Variants in RHBDF2 observed in about 807,000 individuals in gnomAD.
RHBDF2 encodes the protein rhomboid 5 homolog 2.
In RHBDF2, 38 loss-of-function variants were observed where a neutral mutation model predicts 95.2. The ratio of observed to expected loss-of-function variants is 0.40; its 90% CI spans 0.31 to 0.52. RHBDF2 has a LOEUF of 0.52. RHBDF2 is among the 20% of genes least tolerant of loss of function. The probability of loss-of-function intolerance (pLI) is 0.56; values close to 1 mark genes in which losing one functional copy is unlikely to be tolerated. For missense variants in RHBDF2, 863 were observed against 1,137.7 expected, an observed-to-expected ratio of 0.76 and a Z score of 3.47; for synonymous variants, 442 against 462.0, an observed-to-expected ratio of 0.96 and a Z score of 0.55.
At chr17:76,479,421 GC>G in intron 4 of RHBDF2, 144 bp from the exon 5 acceptor site, 1 of 1,207,720 alleles carries the variant, frequency 8.3e-7, no homozygotes. Context: ...CCTGGCTGGA[GC>G]CCAGTGACCA....
intron 3 of RHBDF2, 153 bp from the exon 4 acceptor site, chr17:76,480,007 A>ATGTGTGTGTGTGTGTG: frequency 3.3e-6 from 1 of 305,276 alleles, no homozygotes; most frequent in South Asian, 4.3e-5. Flanking sequence ...TATATATATA[A>ATGTGTGTGTGTGTGTG]TGTGTGTGTG....
chr17:76,478,122 G>A (rs1025933687), intron 6 of RHBDF2, among the ~76,000 whole-genome samples: 1 of 152,144 alleles, frequency 6.6e-6, no homozygotes, highest in Non-Finnish European at 1.5e-5. Context: ...CCGAGGCTTG[G>A]GCCATGTCTC....
Position 76,471,655 on chromosome 17 carries a change from T to A in RHBDF2, c.2462A>T (p.Glu821Val). ...CGGTCAGTGCAGCACCTGGTCCAGC[T>A]CATACTTCTCGCAGAAGCGGCTGGT... ...PFTSRFCEKYELDQVLH is the reference protein window; with the variant it reads ...PFTSRFCEKYVLDQVLH The change falls in exon 19 of 19, where the codon GAG (glutamate) becomes GTG (valine). Residue 821 changes from glutamate to valine, a missense_variant. Around this residue, in one of 2 missense-constraint regions of RHBDF2, gnomAD observed 252 missense variants for 412.2 expected, o/e 0.61. Coordinates refer to ENST00000675367, the MANE Select transcript of RHBDF2 (RefSeq NM_001005498.4). The A allele has an allele frequency of 6.2e-7, 1 of 1,606,540 alleles. No individual in the cohort carries two copies.
intron 1 of RHBDF2, among the ~76,000 whole-genome samples, chr17:76,499,579 G>A (rs1210006000): frequency 1.3e-5 from 2 of 152,184 alleles, no homozygotes; most frequent in South Asian, 2.1e-4. Flanking sequence ...AACCCAGGGT[G>A]CCCTCTTTAT....
In RHBDF2 at chr17:76,491,977, G is replaced by A. The variant is rs182664944; in HGVS notation, c.-219-4068C>T. The stretch of plus-strand genomic sequence containing the variant: ...CTGGGACCAGGCTTCCTCCTGGCCC[G>A]CAGTCACATCCGCCGCTCTCTCTCT... On this transcript the variant is annotated intron_variant, in intron 1 of 18. Coordinates refer to ENST00000675367, the MANE Select transcript of RHBDF2 (RefSeq NM_001005498.4). Among the ~76,000 whole-genome samples, 134 of 152,278 alleles carry A rather than the reference G, an allele frequency of 8.8e-4. 2 individuals carry two copies. The highest frequency in any genetic ancestry group is 2.7e-3 in the Admixed American group (42 of 15,306).
At chr17:76,483,240 G>A (rs1328903976) in intron 2 of RHBDF2, among the ~76,000 whole-genome samples, 2 of 152,100 alleles carry the variant, frequency 1.3e-5, no homozygotes, top group African/African-American at 4.8e-5. Flanking sequence ...TACCTGCATT[G>A]TAGACATCTT....
At chr17:76,498,410 A>G (rs62086562) in intron 1 of RHBDF2, among the ~76,000 whole-genome samples, 58,089 of 152,150 alleles carry the variant, frequency 0.38, 13,403 homozygotes, top group East Asian at 0.52. Flanking sequence ...CAGAGATCTG[A>G]GGAGAGTGTG....
chr17:76,496,762 T>A (rs938305404), intron 1 of RHBDF2, among the ~76,000 whole-genome samples: 5 of 152,176 alleles, frequency 3.3e-5, no homozygotes, highest in Non-Finnish European at 7.4e-5. Flanking sequence ...GATCTCTTTT[T>A]TTTTTCTTTT....
Position 76,474,788 on chromosome 17 carries a change from C to A in RHBDF2, c.1244G>T (p.Gly415Val). 1 of 1,614,150 alleles carries A rather than the reference C, an allele frequency of 6.2e-7. No homozygotes were observed. The highest frequency in any genetic ancestry group is 8.5e-7 in the Non-Finnish European group (1 of 1,179,988). ...GATGTACTTCACGCTCTCGTACACA[C>A]CTTTGTTCCGCAGCACCTATCGTGG... is the stretch of plus-strand genomic sequence containing the variant. ...VTTQLVLRNK[G>V]VYESVKYIQQ... Residue 415 changes from glycine to valine, a missense_variant, in exon 11 of 19, where the codon GGT becomes GTT. Physicochemically the swap from Gly to Val is moderately radical, Grantham distance 109. Around this residue, in one of 2 missense-constraint regions of RHBDF2, gnomAD observed 611 missense variants for 725.5 expected, o/e 0.84. Coordinates refer to ENST00000675367, the MANE Select transcript of RHBDF2 (RefSeq NM_001005498.4).
intron 2 of RHBDF2, chr17:76,482,004 A>ACACACACACACAC (rs2073987229): frequency 2.5e-4 from 6 of 24,234 alleles, no homozygotes; most frequent in African/African-American, 5.1e-4. Flanking sequence ...CACACACACA[A>ACACACACACACAC]AACCAAAAAC....
In RHBDF2 at chr17:76,487,698, G is replaced by A. The variant is rs929094271; in HGVS notation, c.-22+14C>T. 3.9e-5 allele frequency: 6 copies of A among 152,680 alleles called. No homozygotes were observed. Among genetic ancestry groups the A allele is most frequent in the Non-Finnish European group, 1.5e-5 (1 of 68,424 alleles). The allele number at this position is 152,680 out of a possible 1,614,324, so 9.5% of individuals were successfully genotyped here. On this transcript the variant is annotated intron_variant, in intron 2 of 18. Coordinates refer to ENST00000675367, the MANE Select transcript of RHBDF2 (RefSeq NM_001005498.4). Reference sequence around the variant, plus strand: ...GCGCCCTGGGTCCAGCCACCCGGCCGCCCAGCTTCCTACCTTCGAGTCTGA... The same window carrying A: ...GCGCCCTGGGTCCAGCCACCCGGCCACCCAGCTTCCTACCTTCGAGTCTGA...
intron 1 of RHBDF2, among the ~76,000 whole-genome samples, chr17:76,490,668 C>G (rs2074272914): frequency 6.6e-6 from 1 of 152,056 alleles, no homozygotes; most frequent in Non-Finnish European, 1.5e-5. Flanking sequence ...GAACCCAGAT[C>G]TGATCACACC....
intron 1 of RHBDF2, among the ~76,000 whole-genome samples, chr17:76,489,486 G>C (rs1483076211): frequency 6.6e-6 from 1 of 152,208 alleles, no homozygotes; most frequent in East Asian, 1.9e-4. Context: ...ACCACACCCG[G>C]CTAATTTTTT....
At chr17:76,483,137 C>T (rs1471835692) in intron 2 of RHBDF2, among the ~76,000 whole-genome samples, 2 of 152,214 alleles carry the variant, frequency 1.3e-5, no homozygotes, top group African/African-American at 4.8e-5. Context: ...GCACCCTCCA[C>T]CTCCCAGGTT....
intron 1 of RHBDF2, among the ~76,000 whole-genome samples, chr17:76,496,357 C>T (rs2074425754): frequency 6.6e-6 from 1 of 152,204 alleles, no homozygotes; most frequent in South Asian, 2.1e-4. Context: ...AGTCACCTGT[C>T]CAAGGTCCCA....
intron 2 of RHBDF2, among the ~76,000 whole-genome samples, chr17:76,484,583 CT>C (rs35165094): frequency 0.46 from 69,503 of 151,424 alleles, 17,398 homozygotes; most frequent in East Asian, 0.69. Context: ...CTCAAGCCCC[CT>C]GAGACTGATC....
At chr17:76,479,918 C>T in intron 3 of RHBDF2, 64 bp from the exon 4 acceptor site, 1 of 1,595,964 alleles carries the variant, frequency 6.3e-7, no homozygotes. Flanking sequence ...GCTGGCTTTT[C>T]TTTAGCCTCC....
At chr17:76,490,490 G>A (rs1302837372) in intron 1 of RHBDF2, among the ~76,000 whole-genome samples, 1 of 152,158 alleles carries the variant, frequency 6.6e-6, no homozygotes, top group Non-Finnish European at 1.5e-5. Flanking sequence ...AAAGTTCATA[G>A]CTTGGCCTCC....
intron 3 of RHBDF2, 80 bp from the exon 4 acceptor site, chr17:76,479,934 T>A (rs777833353): frequency 3.8e-6 from 6 of 1,576,436 alleles, no homozygotes; most frequent in Non-Finnish European, 5.2e-6. Flanking sequence ...CCTCCTATTC[T>A]GAAAACCCTG....
Sources: gnomAD v4.1 joint callset for allele counts (sites outside exome capture counted in the v4.1 genomes callset) on GRCh38, gnomAD v4.1.1 for gene constraint, gnomAD v4.1.1 regional missense constraint, MANE v1.5 for transcripts, NCBI Gene and HGNC (gene_info 2026-07-23, HGNC 2026-07-21) for gene names.